Variants in PPFIA4 observed in about 807,000 individuals in gnomAD.
PPFIA4 encodes liprin-alpha-4.
A neutral mutation model predicts 145.7 loss-of-function variants in PPFIA4; 98 were observed. The ratio of observed to expected loss-of-function variants is 0.67; its 90% CI spans 0.57 to 0.80. PPFIA4 has a LOEUF of 0.80. Ranked by LOEUF, PPFIA4 falls within the 30% of genes least tolerant of loss-of-function variation. The probability of loss-of-function intolerance (pLI) is 0.00; values close to 1 mark genes in which losing one functional copy is unlikely to be tolerated. For synonymous variants in PPFIA4, 628 were observed against 649.6 expected, an observed-to-expected ratio of 0.97 and a Z score of 0.51; for missense variants, 1,457 against 1,632.7, an observed-to-expected ratio of 0.89 and a Z score of 1.85.
At chr1:203,058,249 G>A (rs1571715631) in intron 19 of PPFIA4, among the ~76,000 whole-genome samples, 1 of 152,306 alleles carries the variant, frequency 6.6e-6, no homozygotes, top group East Asian at 1.9e-4. Context: ...GGGGAAAGAG[G>A]AAGGAGAAAG....
At chr1:203,036,832 G>A (rs1010081303) in intron 1 of PPFIA4, among the ~76,000 whole-genome samples, 9 of 152,240 alleles carry the variant, frequency 5.9e-5, no homozygotes, top group African/African-American at 2.2e-4. Flanking sequence ...GAAAGGAGGA[G>A]GCAGACCAAG....
Position 203,048,816 on chromosome 1 carries a change from G to A in PPFIA4, c.1356+102G>A. The A allele has an allele frequency of 6.5e-7, 1 of 1,531,558 alleles. No homozygotes were observed. Among genetic ancestry groups the A allele is most frequent in the South Asian group, 1.2e-5 (1 of 81,330 alleles). The allele number at this position is 1,531,558 out of a possible 1,614,324, so 94.9% of individuals were successfully genotyped here. On this transcript the variant is annotated intron_variant, in intron 11 of 29. Coordinates refer to ENST00000295706, the MANE Select transcript of PPFIA4 (RefSeq NM_001304331.2). The surrounding 1 kb of genome is among the most constrained non-coding windows in gnomAD (Gnocchi z 5.8). ...CGCAGGCGGGGTCTCAATGGGGTGG[G>A]TGGCCAGCCTGGAGAGGTGGGGCTG...
chr1:203,048,365 CAGGGCGGTCTGTGGA>C lies in PPFIA4; in HGVS notation c.1224+60_1224+74del. 5 of 1,579,308 alleles carry C rather than the reference CAGGGCGGTCTGTGGA, an allele frequency of 3.2e-6. No homozygotes were observed. Among genetic ancestry groups the C allele is most frequent in the Non-Finnish European group, 4.3e-6 (5 of 1,159,284 alleles). ...CCCTCCTTCCCGCAGGACAGGCTCC[CAGGGCGGTCTGTGGA>C]AGGGGCACGGAGGAAGGGCCTGGCC... On this transcript the variant is annotated intron_variant, in intron 10 of 29. Coordinates refer to ENST00000295706, the MANE Select transcript of PPFIA4 (RefSeq NM_001304331.2). This position sits in a 1 kb window ranked among gnomAD's most constrained non-coding sequence, Gnocchi z 5.8.
Position 203,043,937 on chromosome 1 carries a change from C to A in PPFIA4, c.343C>A (p.Leu115Met). Residue 115 changes from leucine to methionine, a missense_variant, in exon 4 of 30, where the codon CTG (leucine) becomes ATG (methionine). Physicochemically the swap from Leu to Met is conservative, Grantham distance 15 (BLOSUM62 2). Around this residue, in one of 3 missense-constraint regions of PPFIA4, gnomAD observed 463 missense variants for 459.8 expected, o/e 1.01. Transcript: ENST00000295706. The surrounding 1 kb of genome is among the most constrained non-coding windows in gnomAD (Gnocchi z 4.4). ...KAERNNTRLL[L>M]EHLECLVSRH... ...CCCCTGCTCTCCCTGCCAGCTGCTT[C>A]TGGAACATCTGGAGTGCCTGGTGTC... 6.2e-7 allele frequency: 1 copy of A among 1,601,580 alleles called. No individual in the cohort carries two copies. Among genetic ancestry groups the A allele is most frequent in the Non-Finnish European group, 8.5e-7 (1 of 1,173,516 alleles).
chr1:203,051,988 C>T (rs1010361268), intron 14 of PPFIA4, 111 bp downstream of exon 14: 21 of 1,201,758 alleles, frequency 1.7e-5, no homozygotes, highest in Admixed American at 2.2e-5. Flanking sequence ...CCTTCCCTCC[C>T]GTGTCAATGA....
intron 8 of PPFIA4, 64 bp downstream of exon 8, chr1:203,046,051 C>G: frequency 1.2e-6 from 2 of 1,604,978 alleles, no homozygotes; most frequent in Non-Finnish European, 1.7e-6. Flanking sequence ...CCTCGTGAAC[C>G]TACTGGTGAT....
intron 25 of PPFIA4, among the ~76,000 whole-genome samples, chr1:203,067,222 T>C (rs772634146): frequency 1.1e-4 from 17 of 152,296 alleles, no homozygotes; most frequent in Non-Finnish European, 2.1e-4. Context: ...TCAGTGTGGC[T>C]GCAGCAGAGA....
intron 20 of PPFIA4, 59 bp from the exon 21 acceptor site, chr1:203,059,711 G>A: frequency 1.4e-6 from 2 of 1,468,724 alleles, no homozygotes; most frequent in Non-Finnish European, 1.9e-6. Context: ...GGTCCCTGGA[G>A]CAAGAACAGT....
At chr1:203,051,985 T>G in intron 14 of PPFIA4, 108 bp downstream of exon 14, 1 of 1,120,380 alleles carries the variant, frequency 8.9e-7, no homozygotes, top group Non-Finnish European at 1.2e-6. Flanking sequence ...TCCCCTTCCC[T>G]CCCGTGTCAA....
Position 203,061,045 on chromosome 1 carries a change from C to T in PPFIA4, c.2847+13C>T, listed in dbSNP as rs1661321776. 6.2e-7 allele frequency: 1 copy of T among 1,613,676 alleles called. No homozygotes were observed. Among genetic ancestry groups the T allele is most frequent in the Non-Finnish European group, 8.5e-7 (1 of 1,179,570 alleles). ...ATCTACTAAAACAGTGAGTCTGGCC[C>T]TTGGCCTTTGTCCCTGGGCCTGGGG... On this transcript the variant is annotated intron_variant, in intron 23 of 29. Coordinates refer to ENST00000295706, the MANE Select transcript of PPFIA4 (RefSeq NM_001304331.2).
chr1:203,031,652 A>G (rs1658840990), intron 1 of PPFIA4, among the ~76,000 whole-genome samples: 1 of 152,170 alleles, frequency 6.6e-6, no homozygotes, highest in African/African-American at 2.4e-5. Flanking sequence ...CTACGAATGC[A>G]GTGACTTTGA....
At position 203,060,069 on chromosome 1, in the gene PPFIA4, T is replaced by G; in HGVS notation, c.2584-148T>G. On this transcript the variant is annotated intron_variant, in intron 21 of 29. Coordinates refer to ENST00000295706, the MANE Select transcript of PPFIA4 (RefSeq NM_001304331.2). This position sits in a 1 kb window ranked among gnomAD's most constrained non-coding sequence, Gnocchi z 4.8. ...ACTTTTAATCTGTAAAATGGGAGAG[T>G]GAGGGGTTTGATGACCGCCACATTC... is the stretch of plus-strand genomic sequence containing the variant. 2 of 787,322 alleles carry G rather than the reference T, an allele frequency of 2.5e-6. No individual in the cohort carries two copies. Among genetic ancestry groups the G allele is most frequent in the South Asian group, 1.7e-5 (1 of 58,538 alleles). The allele number at this position is 787,322 out of a possible 1,614,324, so 48.8% of individuals were successfully genotyped here.
At chr1:203,065,162 G>A (rs762362149) in intron 25 of PPFIA4, among the ~76,000 whole-genome samples, 24 of 152,170 alleles carry the variant, frequency 1.6e-4, no homozygotes, top group Non-Finnish European at 3.1e-4. Context: ...GTCACTCAGG[G>A]ATGATAGCAG....
intron 1 of PPFIA4, chr1:203,035,348 G>C (rs1367568104): frequency 2.2e-6 from 1 of 456,006 alleles, no homozygotes; most frequent in Non-Finnish European, 4.4e-6. Flanking sequence ...CCAGGCCTGT[G>C]TGTGGGGCCA....
rs1214146548 is a variant in PPFIA4 at position 203,048,086 on chromosome 1, G to A, written c.1141-141G>A. The A allele has an allele frequency of 2.8e-6, 2 of 720,242 alleles. No individual in the cohort carries two copies. Among genetic ancestry groups the A allele is most frequent in the African/African-American group, 3.5e-5 (2 of 56,372 alleles). The allele number at this position is 720,242 out of a possible 1,614,324, so 44.6% of individuals were successfully genotyped here. A position where few individuals can be genotyped will look rare whatever the true frequency, so the allele number is the denominator to read the frequency against. On this transcript the variant is annotated intron_variant, in intron 9 of 29. Transcript: ENST00000295706. The surrounding 1 kb of genome is among the most constrained non-coding windows in gnomAD (Gnocchi z 5.8). ...AATGGGGATGGTGGTCCTGCTCCAA[G>A]ATGATAAGTGGAGGCTGAGCGTCAC...
chr1:203,030,988 C>T (rs763870938), intron 1 of PPFIA4, among the ~76,000 whole-genome samples: 13 of 152,214 alleles, frequency 8.5e-5, no homozygotes, highest in Admixed American at 2.6e-4. Context: ...TGCTCTCATG[C>T]CTGTGCTCTC....
At position 203,044,676 on chromosome 1, in the gene PPFIA4, C is replaced by G; in HGVS notation, c.577-20C>G. The G allele has an allele frequency of 2.6e-6, 4 of 1,543,810 alleles. No individual in the cohort carries two copies. Among genetic ancestry groups the G allele is most frequent in the Non-Finnish European group, 3.5e-6 (4 of 1,144,248 alleles). ...GTTCTCTTCTCTTTGACTCATTGCCCTGGGGCTTGTGCCCTACAGGTGTCT... is the reference window on the plus strand; with the variant it reads ...GTTCTCTTCTCTTTGACTCATTGCCGTGGGGCTTGTGCCCTACAGGTGTCT... On this transcript the variant is annotated intron_variant, in intron 5 of 29. Coordinates refer to ENST00000295706, the MANE Select transcript of PPFIA4 (RefSeq NM_001304331.2).
chr1:203,069,056 G>T (rs1661946297), intron 27 of PPFIA4, among the ~76,000 whole-genome samples: 2 of 152,072 alleles, frequency 1.3e-5, no homozygotes, highest in African/African-American at 4.8e-5. Flanking sequence ...ACCACCCTAG[G>T]GATCTGCTCC....
chr1:203,044,211 A>T, intron 4 of PPFIA4, 116 bp downstream of exon 4: 1 of 1,279,780 alleles, frequency 7.8e-7, no homozygotes, highest in Non-Finnish European at 1.1e-6. Flanking sequence ...CCCTCCAAAC[A>T]TTGTCTTAAC....
Sources: gnomAD v4.1 joint callset for allele counts (sites outside exome capture counted in the v4.1 genomes callset) on GRCh38, gnomAD v4.1.1 for gene constraint, gnomAD v4.1.1 regional missense constraint, Gnocchi (gnomAD v3.1) non-coding constraint, MANE v1.5 for transcripts, NCBI Gene and HGNC (gene_info 2026-07-23, HGNC 2026-07-21) for gene names.